The following VPS72 variants were observed in gnomAD, a reference collection of about 807,000 sequenced individuals.
VPS72 encodes vacuolar protein sorting 72 homolog.
Under a neutral mutation model 38.9 loss-of-function variants are expected in VPS72, and 27 were observed. The ratio of observed to expected loss-of-function variants is 0.69; its 90% CI spans 0.51 to 0.96. VPS72 has a LOEUF of 0.96. Ranked by LOEUF, VPS72 falls within the 40% of genes least tolerant of loss-of-function variation. VPS72 has a pLI of 0.00. For synonymous variants in VPS72, 173 were observed against 186.3 expected, an observed-to-expected ratio of 0.93 and a Z score of 0.58; for missense variants, 360 against 479.5, an observed-to-expected ratio of 0.75 and a Z score of 2.33.
At position 151,185,913 on chromosome 1, in the gene VPS72, T is replaced by C. The variant is rs764815849; in HGVS notation, c.155A>G (p.Asp52Gly). 1 of 1,614,060 alleles carries C rather than the reference T, an allele frequency of 6.2e-7. No individual in the cohort carries two copies. The highest frequency in any genetic ancestry group is 1.3e-5 in the African/African-American group (1 of 74,936). Reference sequence around the variant, plus strand: ...GTCAGAGTCCACTTCGTCCTCTGTGTCTGACTGGTCCCCTTGATACTCATC... The same window carrying C: ...GTCAGAGTCCACTTCGTCCTCTGTGCCTGACTGGTCCCCTTGATACTCATC... ...GDDEYQGDQS[D>G]TEDEVDSDFD... is the part of the protein sequence containing the mutation. The change falls in exon 2 of 6, where the codon GAC becomes GGC. Residue 52 changes from aspartate (D) to glycine (G), a missense_variant. Physicochemically the swap from Asp to Gly is moderately conservative, Grantham distance 94. Coordinates refer to ENST00000368892, the MANE Select transcript of VPS72 (RefSeq NM_005997.3).
intron 4 of VPS72, among the ~76,000 whole-genome samples, chr1:151,179,929 A>G (rs1684202963): frequency 6.6e-6 from 1 of 152,030 alleles, no homozygotes. Context: ...AATGAATCAA[A>G]ATATTCCTCG....
intron 4 of VPS72, among the ~76,000 whole-genome samples, chr1:151,182,435 C>T (rs998297354): frequency 2.0e-5 from 3 of 152,238 alleles, no homozygotes; most frequent in East Asian, 3.9e-4. Context: ...TATTAATAAC[C>T]GTTTTTTCTT....
chr1:151,184,452 G>C lies in VPS72; in HGVS notation c.427C>G (p.Gln143Glu). The change falls in exon 4 of 6, where the codon CAA becomes GAA. Residue 143 changes from glutamine to glutamate, a missense_variant. Coordinates refer to ENST00000368892, the MANE Select transcript of VPS72 (RefSeq NM_005997.3). ...CTCTCCTGTACCCGAAGGAACGTTT[G>C]TCGTGTATGCTCAGCTGTAGACTGA... Reference protein sequence around the residue: ...MRQSTAEHTRQTFLRVQERQG... With the variant: ...MRQSTAEHTRETFLRVQERQG... 1 of 1,613,848 alleles carries C rather than the reference G, an allele frequency of 6.2e-7. No individual in the cohort carries two copies. Among genetic ancestry groups the C allele is most frequent in the South Asian group, 1.1e-5 (1 of 91,082 alleles).
At chr1:151,177,834 T>A (rs1270081058) in intron 5 of VPS72, among the ~76,000 whole-genome samples, 167 bp downstream of exon 5, 2 of 148,578 alleles carry the variant, frequency 1.3e-5, no homozygotes, top group Non-Finnish European at 3.0e-5. Context: ...CAGAGCAGCA[T>A]CATGTCTCAA....
rs949912537 is a variant in VPS72 at position 151,176,798 on chromosome 1, C to G, written c.941G>C (p.Arg314Pro). 1.2e-5 allele frequency: 20 copies of G among 1,613,952 alleles called. No individual in the cohort carries two copies. Among genetic ancestry groups the G allele is most frequent in the Non-Finnish European group, 1.6e-5 (19 of 1,180,026 alleles). Residue 314 changes from arginine to proline, a missense_variant, in exon 6 of 6, where the codon CGA becomes CCA. Arg to Pro is a moderately radical substitution (Grantham distance 103). Transcript: ENST00000368892. ...PVTDIPYATA[R>P]AFKIIREAYK... ...AGCCTCACGAATGATCTTGAAGGCTCGAGCAGTGGCATAGGGTATGTCTGT... is the reference window on the plus strand; with the variant it reads ...AGCCTCACGAATGATCTTGAAGGCTGGAGCAGTGGCATAGGGTATGTCTGT...
intron 4 of VPS72, among the ~76,000 whole-genome samples, chr1:151,180,779 C>T (rs1198512250): frequency 6.6e-6 from 1 of 152,182 alleles, no homozygotes; most frequent in African/African-American, 2.4e-5. Flanking sequence ...CTCTGGAACT[C>T]GTGCTCTGTA....
At chr1:151,181,614 A>G (rs1448831896) in intron 4 of VPS72, among the ~76,000 whole-genome samples, 2 of 152,096 alleles carry the variant, frequency 1.3e-5, no homozygotes, top group Admixed American at 1.3e-4. Context: ...CTCTCCTGTC[A>G]ATAATTCCCT....
rs1463592995 is a variant in VPS72, at chr1:151,176,702, G to A, written c.1037C>T (p.Pro346Leu). The A allele has an allele frequency of 6.2e-7, 1 of 1,614,228 alleles. No individual in the cohort carries two copies. ...ASALGPGPPP[P>L]EPLPGSGPRA... ...GGGCCCAGAGCCAGGGAGGGGCTCA[G>A]GAGGTGGCGGGCCGGGGCCCAGGGC... Residue 346 changes from proline (P) to leucine (L), a missense_variant, in exon 6 of 6, where the codon CCT (proline) becomes CTT (leucine). This residue lies in a region of VPS72 where 294 missense variants were observed against 356.3 expected (regional missense o/e 0.83). Coordinates refer to ENST00000368892, the MANE Select transcript of VPS72 (RefSeq NM_005997.3).
In VPS72 at chr1:151,176,946, A is replaced by C. The variant is rs964329173; in HGVS notation, c.793T>G (p.Phe265Val). The change falls in exon 6 of 6, where the codon TTC becomes GTC. Residue 265 changes from phenylalanine (F) to valine (V), a missense_variant. By Grantham distance (50) the Phe-to-Val change is conservative. Around this residue, in one of 2 missense-constraint regions of VPS72, gnomAD observed 294 missense variants for 356.3 expected, o/e 0.83. Coordinates refer to ENST00000368892, the MANE Select transcript of VPS72 (RefSeq NM_005997.3). ...GTTGCATCATCACTAAAAGTGATGA[A>C]GGTACGTGAGCAGCGAGCAGGGGGG... ...VNPPARCSRT[F>V]ITFSDDATFE... 3 of 1,613,034 alleles carry C rather than the reference A, an allele frequency of 1.9e-6. No individual in the cohort carries two copies. Among genetic ancestry groups the C allele is most frequent in the Non-Finnish European group, 2.5e-6 (3 of 1,179,132 alleles).
At chr1:151,181,363 C>T (rs1404699655) in intron 4 of VPS72, among the ~76,000 whole-genome samples, 1 of 151,662 alleles carries the variant, frequency 6.6e-6, no homozygotes, top group African/African-American at 2.4e-5. Flanking sequence ...TGATTCTCAG[C>T]CCCCCGAGTA....
At chr1:151,178,372 T>C (rs1275489004) in intron 4 of VPS72, among the ~76,000 whole-genome samples, 2 of 152,206 alleles carry the variant, frequency 1.3e-5, no homozygotes, top group East Asian at 3.8e-4. Flanking sequence ...CAAGTACACC[T>C]GGGCCCTCTA....
chr1:151,176,401 A>G lies in VPS72; in HGVS notation c.*243T>C. 1 of 554,314 alleles carries G rather than the reference A, an allele frequency of 1.8e-6. No individual in the cohort carries two copies. The highest frequency in any genetic ancestry group is 2.5e-5 in the South Asian group (1 of 39,902). The allele number at this position is 554,314 out of a possible 1,614,324, so 34.3% of individuals were successfully genotyped here. ...AATAAATGCTATCGAATAAAGACCCAAATATATGCAGGTATTCAAATACTT... is the reference window on the plus strand; with the variant it reads ...AATAAATGCTATCGAATAAAGACCCGAATATATGCAGGTATTCAAATACTT... On this transcript the variant is annotated 3_prime_UTR_variant, in exon 6 of 6. Coordinates refer to ENST00000368892, the MANE Select transcript of VPS72 (RefSeq NM_005997.3).
At chr1:151,181,848 G>A (rs12071942) in intron 4 of VPS72, among the ~76,000 whole-genome samples, 1,670 of 152,190 alleles carry the variant, frequency 0.011, 25 homozygotes, top group African/African-American at 0.038. Context: ...GAGAACCTCC[G>A]CCATGCCCTC....
In VPS72 at chr1:151,176,888, G is replaced by A. The variant is rs1348983483; in HGVS notation, c.851C>T (p.Pro284Leu). Residue 284 changes from proline to leucine, a missense_variant, in exon 6 of 6, where the codon CCA (proline) becomes CTA (leucine). Around this residue, in one of 2 missense-constraint regions of VPS72, gnomAD observed 294 missense variants for 356.3 expected, o/e 0.83. Coordinates refer to ENST00000368892, the MANE Select transcript of VPS72 (RefSeq NM_005997.3). ...ACAGACCTCACGAACAGGGACTTTT[G>A]GGGGCCGCCCTTGGGGGAACCATTC... ...FEEWFPQGRPPKVPVREVCPV... is the reference protein window; with the variant it reads ...FEEWFPQGRPLKVPVREVCPV... 2 of 1,614,140 alleles carry A rather than the reference G, an allele frequency of 1.2e-6. No homozygotes were observed. Among genetic ancestry groups the A allele is most frequent in the South Asian group, 2.2e-5 (2 of 91,076 alleles).
chr1:151,190,153 G>GC lies in VPS72; in HGVS notation c.-33dup, dbSNP rs745506733. On this transcript the variant is annotated 5_prime_UTR_variant, in exon 1 of 6. Coordinates refer to ENST00000368892, the MANE Select transcript of VPS72 (RefSeq NM_005997.3). Reference sequence around the variant, plus strand: ...TACCGAGACTGCGCCGCCACCTGCAGCCCCTCACCAGCTCGGTTTTGGGAG... The same window carrying GC: ...TACCGAGACTGCGCCGCCACCTGCAGCCCCCTCACCAGCTCGGTTTTGGGAG... The GC allele has an allele frequency of 1.4e-5, 22 of 1,608,182 alleles. No individual in the cohort carries two copies. The highest frequency in any genetic ancestry group is 1.7e-5 in the Admixed American group (1 of 59,786).
chr1:151,177,995 A>C lies in VPS72; in HGVS notation c.707+6T>G, dbSNP rs1165806316. 1 of 1,612,752 alleles carries C rather than the reference A, an allele frequency of 6.2e-7. No homozygotes were observed. Among genetic ancestry groups the C allele is most frequent in the African/African-American group, 1.3e-5 (1 of 74,774 alleles). ...ACAATCTCTTTTCCTCTTGAGATTC[A>C]CTCACCCTTCTATGTCAACGTTCTC... On this transcript the variant is annotated splice_donor_region_variant and intron_variant, in intron 5 of 5. Coordinates refer to ENST00000368892, the MANE Select transcript of VPS72 (RefSeq NM_005997.3).
chr1:151,182,833 T>C (rs1684269449), intron 4 of VPS72, among the ~76,000 whole-genome samples: 2 of 152,204 alleles, frequency 1.3e-5, no homozygotes, highest in South Asian at 4.1e-4. Context: ...AACTATCACA[T>C]TTTAGTGTCT....
Position 151,180,374 on chromosome 1 carries a change from C to T in VPS72, c.563-2229G>A, listed in dbSNP as rs587681847. On this transcript the variant is annotated intron_variant, in intron 4 of 5. Coordinates refer to ENST00000368892, the MANE Select transcript of VPS72 (RefSeq NM_005997.3). The stretch of plus-strand genomic sequence containing the variant: ...TTCCAATGATTGAACCTCTCTTGCA[C>T]TTGAACTGTTTGATAATACTGCTTT... Among the ~76,000 whole-genome samples, 5 of 152,096 alleles carry T rather than the reference C, an allele frequency of 3.3e-5. No homozygotes were observed. In the East Asian group the frequency reaches 7.7e-4, roughly 24 times the overall value.
At chr1:151,187,418 T>C (rs1684376269) in intron 1 of VPS72, among the ~76,000 whole-genome samples, 3 of 152,190 alleles carry the variant, frequency 2.0e-5, no homozygotes, top group Non-Finnish European at 4.4e-5. Context: ...TCCTAACTGA[T>C]GTTTGTAAAA....
Sources: allele counts gnomAD v4.1 joint callset (sites outside exome capture counted in the v4.1 genomes callset), GRCh38; gene constraint gnomAD v4.1.1; regional missense constraint gnomAD v4.1.1; transcripts MANE v1.5; gene names NCBI Gene and HGNC (gene_info 2026-07-23, HGNC 2026-07-21).